The following JAM2 variants were observed in gnomAD, a reference collection of about 807,000 sequenced individuals.
The protein encoded by JAM2 is junctional adhesion molecule 2, also known as junctional adhesion molecule B.
A neutral mutation model predicts 42.0 loss-of-function variants in JAM2; 17 were observed. That is an observed-to-expected ratio of 0.40 (90% CI 0.28 to 0.61). The LOEUF (loss-of-function observed/expected upper bound fraction) is 0.61. JAM2 is among the 20% of genes least tolerant of loss of function. The pLI is 0.37. For synonymous variants in JAM2, 118 were observed against 128.6 expected, an observed-to-expected ratio of 0.92 and a Z score of 0.56; for missense variants, 319 against 358.3, an observed-to-expected ratio of 0.89 and a Z score of 0.89.
intron 1 of JAM2, among the ~76,000 whole-genome samples, chr21:25,676,286 CAAAAAAAAA>C (rs397958040): frequency 4.9e-5 from 3 of 61,262 alleles, no homozygotes; most frequent in South Asian, 1.2e-3. Context: ...AGACTCGTCT[CAAAAAAAAA>C]AAAAAAAAGA....
At chr21:25,691,230 T>C (rs952782745) in intron 3 of JAM2, among the ~76,000 whole-genome samples, 7 of 152,252 alleles carry the variant, frequency 4.6e-5, no homozygotes, top group Non-Finnish European at 1.0e-4. Flanking sequence ...AAATATCTGC[T>C]CAAGTTCTTA....
At chr21:25,675,640 G>A (rs1046869962) in intron 1 of JAM2, among the ~76,000 whole-genome samples, 3 of 151,674 alleles carry the variant, frequency 2.0e-5, no homozygotes, top group African/African-American at 7.3e-5. Flanking sequence ...GGGAAAGAAG[G>A]GAGGAAGGGA....
At chr21:25,671,766 C>T (rs1320699577) in intron 1 of JAM2, among the ~76,000 whole-genome samples, 1 of 152,228 alleles carries the variant, frequency 6.6e-6, no homozygotes, top group Non-Finnish European at 1.5e-5. Flanking sequence ...GCCTTGGCCT[C>T]TCAAAGTGCT....
Position 25,656,042 on chromosome 21 carries a change from A to ATT in JAM2, c.67+16163_67+16164dup, listed in dbSNP as rs201084944. Reference sequence around the variant, plus strand: ...AGTAAATCCACTGCATAGGAGCTACATTTTTTTTTTAATGATGTAGCGTGG... The same window carrying ATT: ...AGTAAATCCACTGCATAGGAGCTACATTTTTTTTTTTTAATGATGTAGCGTGG... On this transcript the variant is annotated intron_variant, in intron 1 of 9. Transcript: ENST00000480456. 2.2e-3 allele frequency among the ~76,000 whole-genome samples: 322 copies of ATT among 148,704 alleles called. 1 individual carries two copies. The highest frequency in any genetic ancestry group is 0.01 in the Middle Eastern group (3 of 292).
Position 25,717,431 on chromosome 21 carries a change from GATTTA to G in JAM2, c.*2765_*2769del, listed in dbSNP as rs1478529887. ...TTAATTATTGTTGCTGTTGTAACTA[GATTTA>G]ATTTATTTTTAGTTGGAGGTTTGAC... On this transcript the variant is annotated 3_prime_UTR_variant, in exon 10 of 10. Transcript: ENST00000480456. 18 of 404,752 alleles carry G rather than the reference GATTTA, an allele frequency of 4.4e-5. No homozygotes were observed. The highest frequency in any genetic ancestry group is 1.3e-4 in the South Asian group (2 of 15,172). 25.1% of individuals were successfully genotyped at this position (404,752 alleles called of 1,614,324 possible).
intron 1 of JAM2, among the ~76,000 whole-genome samples, chr21:25,650,962 G>A (rs150711134): frequency 1.8e-3 from 267 of 149,458 alleles, no homozygotes; most frequent in Non-Finnish European, 2.9e-3. Flanking sequence ...GGGAAAAATG[G>A]ATCAGAACCT....
At chr21:25,683,414 A>ATG (rs2123368545) in intron 1 of JAM2, among the ~76,000 whole-genome samples, 1 of 152,262 alleles carries the variant, frequency 6.6e-6, no homozygotes, top group East Asian at 1.9e-4. Flanking sequence ...TTATATATAT[A>ATG]TACAAATTTC....
At chr21:25,649,114 A>G (rs1166144376) in intron 1 of JAM2, among the ~76,000 whole-genome samples, 1 of 152,242 alleles carries the variant, frequency 6.6e-6, no homozygotes, top group Non-Finnish European at 1.5e-5. Context: ...CTAAAAGCAC[A>G]TAAGTTCCTC....
At chr21:25,671,636 G>T (rs982164597) in intron 1 of JAM2, among the ~76,000 whole-genome samples, 1 of 152,010 alleles carries the variant, frequency 6.6e-6, no homozygotes, top group Admixed American at 6.6e-5. Flanking sequence ...CTCCTGAGTT[G>T]CTAGGACTAC....
chr21:25,646,936 T>C (rs2123306173), intron 1 of JAM2, among the ~76,000 whole-genome samples: 1 of 152,346 alleles, frequency 6.6e-6, no homozygotes, highest in Middle Eastern at 3.4e-3. Context: ...TTCTGTTTTG[T>C]TGTAGTTGTC....
chr21:25,669,984 T>C (rs992351235), intron 1 of JAM2, among the ~76,000 whole-genome samples: 2 of 152,184 alleles, frequency 1.3e-5, no homozygotes, highest in African/African-American at 4.8e-5. Context: ...TAAGACTAAG[T>C]GCTAAGATTA....
At chr21:25,696,253 C>A (rs917008367) in intron 4 of JAM2, among the ~76,000 whole-genome samples, 1 of 152,134 alleles carries the variant, frequency 6.6e-6, no homozygotes, top group African/African-American at 2.4e-5. Flanking sequence ...TCAGGCGTGG[C>A]GGCGCGCGCC....
At chr21:25,674,311 C>T (rs1478597363) in intron 1 of JAM2, among the ~76,000 whole-genome samples, 1 of 152,170 alleles carries the variant, frequency 6.6e-6, no homozygotes, top group East Asian at 1.9e-4. Flanking sequence ...ATGAGAATCA[C>T]TTGAACCTGG....
intron 9 of JAM2, among the ~76,000 whole-genome samples, chr21:25,713,465 T>A (rs1322868986): frequency 6.7e-6 from 1 of 148,874 alleles, no homozygotes; most frequent in Admixed American, 7.0e-5. Flanking sequence ...TTTAGAGGCC[T>A]AAGTCGTTTC....
chr21:25,706,394 C>G (rs1252256476), intron 7 of JAM2, among the ~76,000 whole-genome samples: 1 of 152,176 alleles, frequency 6.6e-6, no homozygotes, highest in Non-Finnish European at 1.5e-5. Context: ...GTTGGCCAGG[C>G]TGGTCTCGAA....
intron 1 of JAM2, among the ~76,000 whole-genome samples, chr21:25,673,010 A>G (rs1256972009): frequency 1.3e-5 from 2 of 152,156 alleles, no homozygotes; most frequent in Non-Finnish European, 2.9e-5. Flanking sequence ...GTTGCCGTCT[A>G]TCTAAAATCT....
intron 5 of JAM2, 47 bp downstream of exon 5, chr21:25,698,926 TA>T (rs2034100950): frequency 6.6e-7 from 1 of 1,507,984 alleles, no homozygotes; most frequent in African/African-American, 1.4e-5. Context: ...TGCATTTGGA[TA>T]AAAAAATTAT....
chr21:25,654,253 T>C (rs1213663011), intron 1 of JAM2, among the ~76,000 whole-genome samples: 2 of 152,344 alleles, frequency 1.3e-5, no homozygotes, highest in African/African-American at 2.4e-5. Flanking sequence ...GGTATGATTA[T>C]TAATGGCTAA....
intron 7 of JAM2, among the ~76,000 whole-genome samples, chr21:25,707,590 T>A (rs2034298929): frequency 6.6e-6 from 1 of 152,226 alleles, no homozygotes; most frequent in Non-Finnish European, 1.5e-5. Context: ...AGACCTCTTG[T>A]AACTTCACAC....
Sources: allele counts gnomAD v4.1 joint callset (sites outside exome capture counted in the v4.1 genomes callset), GRCh38; gene constraint gnomAD v4.1.1; transcripts MANE v1.5; gene names NCBI Gene and HGNC (gene_info 2026-07-23, HGNC 2026-07-21).